The following PDE10A variants were observed in gnomAD, a reference collection of about 807,000 sequenced individuals.
PDE10A encodes the protein phosphodiesterase 10A.
In PDE10A, 39 loss-of-function variants were observed where a neutral mutation model predicts 97.7. That is an observed-to-expected ratio of 0.40 (90% CI 0.31 to 0.52). The LOEUF is 0.52. Among genes scored for constraint, PDE10A ranks in the 20% least tolerant of loss-of-function variants. The pLI is 0.56. For synonymous variants in PDE10A, 371 were observed against 376.8 expected, an observed-to-expected ratio of 0.98 and a Z score of 0.18; for missense variants, 731 against 1,047.8, an observed-to-expected ratio of 0.70 and a Z score of 4.17.
intron 3 of PDE10A, among the ~76,000 whole-genome samples, chr6:165,459,210 G>T (rs1778145485): frequency 6.6e-6 from 1 of 152,180 alleles, no homozygotes; most frequent in South Asian, 2.1e-4. Flanking sequence ...GTGAACATGA[G>T]ATCAAAGACT....
At chr6:165,944,239 C>A (rs1037994553) in intron 1 of PDE10A, among the ~76,000 whole-genome samples, 12 of 152,204 alleles carry the variant, frequency 7.9e-5, no homozygotes, top group African/African-American at 2.9e-4. Context: ...TCACTGGTTC[C>A]TTCCCAGGAC....
At chr6:165,333,704 G>A (rs117029258) in intron 21 of PDE10A, among the ~76,000 whole-genome samples, 3,274 of 152,258 alleles carry the variant, frequency 0.022, 75 homozygotes, top group Non-Finnish European at 0.028. Flanking sequence ...GTCCTCACCC[G>A]AGGCAGTCTC....
intron 17 of PDE10A, among the ~76,000 whole-genome samples, chr6:165,386,065 T>C (rs1190478190): frequency 6.6e-6 from 1 of 152,222 alleles, no homozygotes; most frequent in African/African-American, 2.4e-5. Context: ...CTTACCTGTC[T>C]GAACTTAACT....
At chr6:165,515,501 C>A (rs1328855988) in intron 2 of PDE10A, among the ~76,000 whole-genome samples, 2 of 149,612 alleles carry the variant, frequency 1.3e-5, no homozygotes, top group Non-Finnish European at 3.0e-5. Flanking sequence ...CACACACACA[C>A]ACACATATAT....
intron 18 of PDE10A, among the ~76,000 whole-genome samples, chr6:165,364,072 A>G (rs1384164189): frequency 1.3e-5 from 2 of 152,202 alleles, no homozygotes; most frequent in Non-Finnish European, 2.9e-5. Context: ...GAAAGAAGAG[A>G]GGAAGGAAGG....
chr6:165,504,946 G>A (rs1781104592), intron 2 of PDE10A, among the ~76,000 whole-genome samples: 1 of 152,152 alleles, frequency 6.6e-6, no homozygotes, highest in African/African-American at 2.4e-5. Context: ...AAGAAAGGCA[G>A]GGCCTGCGGT....
chr6:165,497,220 T>C (rs547115488), intron 2 of PDE10A, among the ~76,000 whole-genome samples: 12 of 152,284 alleles, frequency 7.9e-5, no homozygotes, highest in South Asian at 4.1e-4. Context: ...TCTGACAATG[T>C]TGTAGTATAA....
At chr6:165,439,465 G>A (rs560767213) in intron 5 of PDE10A, among the ~76,000 whole-genome samples, 3 of 152,046 alleles carry the variant, frequency 2.0e-5, no homozygotes, top group African/African-American at 4.8e-5. Flanking sequence ...ATATCTACTC[G>A]ACCAAAGGCC....
intron 1 of PDE10A, among the ~76,000 whole-genome samples, chr6:165,959,300 T>A (rs1354708839): frequency 6.6e-6 from 1 of 151,264 alleles, no homozygotes; most frequent in African/African-American, 2.4e-5. Context: ...CTGGATAGGG[T>A]GGGGATGGGA....
intron 3 of PDE10A, among the ~76,000 whole-genome samples, chr6:165,456,106 A>G (rs1200264830): frequency 2.0e-5 from 3 of 152,168 alleles, no homozygotes; most frequent in African/African-American, 7.2e-5. Context: ...ATGCTACTCT[A>G]TCATACCCTC....
At chr6:165,793,819 C>T (rs914430528) in intron 1 of PDE10A, among the ~76,000 whole-genome samples, 6 of 152,204 alleles carry the variant, frequency 3.9e-5, no homozygotes, top group African/African-American at 1.2e-4. Flanking sequence ...CAAAATTCAT[C>T]GGAGGACAAG....
intron 1 of PDE10A, among the ~76,000 whole-genome samples, chr6:165,639,942 C>T (rs890007368): frequency 6.6e-5 from 10 of 151,766 alleles, no homozygotes; most frequent in African/African-American, 2.4e-4. Flanking sequence ...TGGTGGTGCA[C>T]ACCTGTGGTC....
rs1036845308 is a variant in PDE10A at position 165,391,057 on chromosome 6, A to T, written c.2454+1589T>A. Among the ~76,000 whole-genome samples the T allele has an allele frequency of 4.6e-5, 7 of 152,152 alleles. 1 individual carries two copies. The highest frequency in any genetic ancestry group is 1.7e-4 in the African/African-American group (7 of 41,438). On this transcript the variant is annotated intron_variant, in intron 16 of 21. Coordinates refer to ENST00000539869, the MANE Select transcript of PDE10A (RefSeq NM_001385079.1). ...TATCATCTTTCCAGTTTCTAAACTC[A>T]TTTTTAAAATTCATGTGACTTTCAG... is the stretch of plus-strand genomic sequence containing the variant.
At chr6:165,851,615 A>G (rs992279256) in intron 1 of PDE10A, among the ~76,000 whole-genome samples, 1 of 152,186 alleles carries the variant, frequency 6.6e-6, no homozygotes, top group Non-Finnish European at 1.5e-5. Flanking sequence ...TTGGGTGTTC[A>G]GGAAGGGGAA....
chr6:165,904,231 G>C (rs933464494), intron 1 of PDE10A, among the ~76,000 whole-genome samples: 1 of 152,220 alleles, frequency 6.6e-6, no homozygotes, highest in Non-Finnish European at 1.5e-5. Context: ...TGAGAAGAGA[G>C]AGGGGACGGA....
At chr6:165,656,276 A>T (rs1583728839) in intron 1 of PDE10A, among the ~76,000 whole-genome samples, 2 of 137,208 alleles carry the variant, frequency 1.5e-5, no homozygotes, top group South Asian at 3.0e-4. Context: ...ACACACACAC[A>T]CACACACACA....
At chr6:165,381,404 T>G (rs1447753244) in intron 17 of PDE10A, among the ~76,000 whole-genome samples, 1 of 152,214 alleles carries the variant, frequency 6.6e-6, no homozygotes, top group Non-Finnish European at 1.5e-5. Flanking sequence ...TAAAAAGGTC[T>G]AACTCATTTA....
intron 1 of PDE10A, among the ~76,000 whole-genome samples, chr6:165,941,192 T>C (rs891590923): frequency 1.3e-5 from 2 of 152,198 alleles, no homozygotes; most frequent in African/African-American, 4.8e-5. Flanking sequence ...CCCATAGGGT[T>C]GTTGAAAGGA....
At chr6:165,852,032 T>C (rs1483317056) in intron 1 of PDE10A, among the ~76,000 whole-genome samples, 1 of 152,244 alleles carries the variant, frequency 6.6e-6, no homozygotes, top group African/African-American at 2.4e-5. Context: ...TCCCCAAGAA[T>C]CCACATTCTG....
Sources: gnomAD v4.1 joint callset for allele counts (sites outside exome capture counted in the v4.1 genomes callset) on GRCh38, gnomAD v4.1.1 for gene constraint, MANE v1.5 for transcripts, NCBI Gene and HGNC (gene_info 2026-07-23, HGNC 2026-07-21) for gene names.